Variants in CFAP20DC observed in about 807,000 individuals in gnomAD.
The protein encoded by CFAP20DC is protein CFAP20DC.
CFAP20DC carries 84 observed loss-of-function variants against 101.7 expected under a neutral mutation model. The observed-to-expected ratio is 0.83, with a 90% CI of 0.69 to 0.99. The LOEUF is 0.99. Ranked by LOEUF, CFAP20DC falls within the 50% of genes least tolerant of loss-of-function variation. The pLI is 0.00. For synonymous variants in CFAP20DC, 359 were observed against 351.2 expected (o/e 1.02, Z -0.25); for missense variants, 1,007 against 970.3 (o/e 1.04, Z -0.50).
intron 15 of CFAP20DC, among the ~76,000 whole-genome samples, chr3:58,768,084 C>G (rs530920849): frequency 6.6e-6 from 1 of 152,186 alleles, no homozygotes; most frequent in Non-Finnish European, 1.5e-5. Flanking sequence ...CCCTCCTCCC[C>G]CTTCTCCTTG....
rs1198457881 is a variant in CFAP20DC, at chr3:58,874,672, T to C, written c.716-4363A>G. On this transcript the variant is annotated intron_variant, in intron 7 of 16. Transcript: ENST00000482387. The surrounding 1 kb of genome is among the most constrained non-coding windows in gnomAD (Gnocchi z 5.1). ...TTTATGCCTCAGTTCACATATCATT[T>C]CCTCAGACAAGTCTTTGCAGACCTT... is the stretch of plus-strand genomic sequence containing the variant. 6.6e-6 allele frequency among the ~76,000 whole-genome samples: 1 copy of C among 152,198 alleles called. No homozygotes were observed. The highest frequency in any genetic ancestry group is 1.5e-5 in the Non-Finnish European group (1 of 68,034).
intron 16 of CFAP20DC, among the ~76,000 whole-genome samples, chr3:58,747,176 A>G (rs1168556726): frequency 6.6e-6 from 1 of 152,172 alleles, no homozygotes. Context: ...TCTACACACA[A>G]TAAAGCCATT....
chr3:59,037,076 A>C (rs2094117844), intron 4 of CFAP20DC, among the ~76,000 whole-genome samples: 1 of 152,228 alleles, frequency 6.6e-6, no homozygotes, highest in Non-Finnish European at 1.5e-5. Flanking sequence ...CTGGATAGCC[A>C]AATGCAGAAT....
chr3:58,737,509 A>G (rs575599755), downstream of CFAP20DC, among the ~76,000 whole-genome samples: 6 of 152,254 alleles, frequency 3.9e-5, no homozygotes, highest in African/African-American at 1.4e-4. The surrounding 1 kb of genome is among the most constrained non-coding windows in gnomAD (Gnocchi z 4.1). Flanking sequence ...CTACAGAAAA[A>G]GAGTTCTGTA....
chr3:58,720,220 A>C (rs2067452449), intron 3 of CFAP20DC, among the ~76,000 whole-genome samples: 1 of 152,254 alleles, frequency 6.6e-6, no homozygotes, highest in African/African-American at 2.4e-5. Flanking sequence ...TGTCTTGTTC[A>C]CTGCTCAGAG....
chr3:58,955,690 C>T (rs1284073639), intron 4 of CFAP20DC, among the ~76,000 whole-genome samples: 1 of 151,940 alleles, frequency 6.6e-6, no homozygotes, highest in African/African-American at 2.4e-5. Context: ...GTCTCAGAGG[C>T]AGTGAACTGG....
chr3:58,959,542 GCTTTAGCACTT>G (rs1375835282), intron 4 of CFAP20DC, among the ~76,000 whole-genome samples: 3 of 152,102 alleles, frequency 2.0e-5, no homozygotes, highest in African/African-American at 7.2e-5. Flanking sequence ...CCATTAAATT[GCTTTAGCACTT>G]CTGTCAAAAA....
intron 3 of CFAP20DC, among the ~76,000 whole-genome samples, chr3:58,725,605 A>G (rs954584793): frequency 2.0e-5 from 3 of 152,224 alleles, no homozygotes; most frequent in Non-Finnish European, 2.9e-5. Flanking sequence ...CACCCACGAC[A>G]GTTCCCCAAA....
chr3:58,863,718 A>G lies in CFAP20DC; in HGVS notation c.1433T>C (p.Phe478Ser), dbSNP rs1355617762. Reference sequence around the variant, plus strand: ...TGATCGTGGTCTTGATGAAAAAGTGAAAATGTCCTTTGGAACACTCTGGGA... The same window carrying G: ...TGATCGTGGTCTTGATGAAAAAGTGGAAATGTCCTTTGGAACACTCTGGGA... ...EESQSVPKDI[F>S]TFSSRPRSAP... Residue 478 changes from phenylalanine to serine, a missense_variant, in exon 12 of 17, where the codon TTC becomes TCC. Physicochemically the swap from Phe to Ser is radical, Grantham distance 155. Transcript: ENST00000482387. The surrounding 1 kb of genome is among the most constrained non-coding windows in gnomAD (Gnocchi z 5.9). The G allele has an allele frequency of 1.9e-6, 3 of 1,614,038 alleles. No homozygotes were observed. Among genetic ancestry groups the G allele is most frequent in the African/African-American group, 2.7e-5 (2 of 74,922 alleles).
intron 15 of CFAP20DC, among the ~76,000 whole-genome samples, chr3:58,755,288 A>C (rs2068859738): frequency 6.6e-6 from 1 of 152,038 alleles, no homozygotes; most frequent in South Asian, 2.1e-4. Flanking sequence ...TAAGGGCATC[A>C]GAAAGGATTT....
At chr3:58,745,576 G>A (rs2068134273) in intron 16 of CFAP20DC, among the ~76,000 whole-genome samples, 1 of 152,116 alleles carries the variant, frequency 6.6e-6, no homozygotes, top group Non-Finnish European at 1.5e-5. Context: ...ATGCCTATTT[G>A]GTAGGGTTTT....
At chr3:58,933,517 T>G (rs1220570682) in intron 5 of CFAP20DC, among the ~76,000 whole-genome samples, 11 of 152,300 alleles carry the variant, frequency 7.2e-5, no homozygotes, top group South Asian at 4.1e-4. Context: ...ACCACATAGT[T>G]GGAAGTAAAG....
At chr3:58,737,545 C>T (rs2107107725), downstream of CFAP20DC, among the ~76,000 whole-genome samples, 1 of 152,152 alleles carries the variant, frequency 6.6e-6, no homozygotes, top group East Asian at 1.9e-4. This position sits in a 1 kb window ranked among gnomAD's most constrained non-coding sequence, Gnocchi z 4.1. Context: ...TGTCACTCAC[C>T]CACTGGAGAT....
At chr3:58,926,849 T>C (rs942962303) in intron 5 of CFAP20DC, among the ~76,000 whole-genome samples, 23 of 152,228 alleles carry the variant, frequency 1.5e-4, no homozygotes, top group African/African-American at 5.5e-4. Flanking sequence ...ATTTATCATA[T>C]CACTTTGTTA....
At chr3:58,742,697 G>T in intron 16 of CFAP20DC, 125 bp from the exon 17 acceptor site, 2 of 543,690 alleles carry the variant, frequency 3.7e-6, no homozygotes, top group Non-Finnish European at 3.1e-6. Flanking sequence ...AGAAGGTTTA[G>T]GCCTGAAGGA....
chr3:59,026,168 T>G (rs1195160631), intron 4 of CFAP20DC, among the ~76,000 whole-genome samples: 1 of 152,150 alleles, frequency 6.6e-6, no homozygotes, highest in Non-Finnish European at 1.5e-5. Flanking sequence ...ATAATTAAAA[T>G]AATGAGGTTT....
rs745572680 is a variant in CFAP20DC, at chr3:59,046,234, T to TG, written c.199dup (p.Gln67ProfsTer25). 1 of 1,528,278 alleles carries TG rather than the reference T, an allele frequency of 6.5e-7. No homozygotes were observed. Among genetic ancestry groups the TG allele is most frequent in the Non-Finnish European group, 8.8e-7 (1 of 1,142,352 alleles). 94.7% of individuals were successfully genotyped at this position (1,528,278 alleles called of 1,614,324 possible). On this transcript the variant is annotated frameshift_variant, in exon 3 of 17. Coordinates refer to ENST00000482387, the MANE Select transcript of CFAP20DC (RefSeq NM_001394063.1). LOFTEE classifies it high-confidence loss of function. Reference sequence around the variant, plus strand: ...ATATTAAAAATATTACTTACGGCTTTGCTTATTCTCCTTTGGTAACTGAAT... The same window carrying TG: ...ATATTAAAAATATTACTTACGGCTTTGGCTTATTCTCCTTTGGTAACTGAAT...
At chr3:59,024,381 C>G (rs2093855665) in intron 4 of CFAP20DC, among the ~76,000 whole-genome samples, 1 of 152,088 alleles carries the variant, frequency 6.6e-6, no homozygotes, top group African/African-American at 2.4e-5. Flanking sequence ...TCAACAGTAG[C>G]CTCATTGGGA....
chr3:58,959,137 C>T (rs564682369), intron 4 of CFAP20DC, among the ~76,000 whole-genome samples: 21 of 152,120 alleles, frequency 1.4e-4, no homozygotes, highest in Non-Finnish European at 2.6e-4. Flanking sequence ...TCTCGTTGCC[C>T]AGGCTGGAGT....
Sources: allele counts gnomAD v4.1 joint callset (sites outside exome capture counted in the v4.1 genomes callset), GRCh38; gene constraint gnomAD v4.1.1; non-coding constraint Gnocchi (gnomAD v3.1); transcripts MANE v1.5; gene names NCBI Gene and HGNC (gene_info 2026-07-23, HGNC 2026-07-21).